ELF1: variants seen among roughly 807,000 people sequenced by gnomAD.
ELF1 encodes the protein E74 like ETS transcription factor 1.
Under a neutral mutation model 59.9 loss-of-function variants are expected in ELF1, and 24 were observed. That is an observed-to-expected ratio of 0.40 (90% CI 0.29 to 0.56). The LOEUF is 0.56. ELF1 is among the 20% of genes least tolerant of loss of function. ELF1 has a pLI of 0.44. For missense variants in ELF1, 627 were observed against 742.2 expected, an observed-to-expected ratio of 0.84 and a Z score of 1.80; for synonymous variants, 248 against 266.2, an observed-to-expected ratio of 0.93 and a Z score of 0.67.
In ELF1 at chr13:40,963,312, T is replaced by C. The variant is rs118180915; in HGVS notation, c.73-4296A>G. 2.6e-3 allele frequency among the ~76,000 whole-genome samples: 397 copies of C among 152,324 alleles called. 6 individuals are homozygous for C. The East Asian group carries it at 0.05, about 19-fold the overall frequency. ...AACCAGAATAATTAAGGAGCTGTGTTTGAGGTGGAGGTATGAGTTTCACTA... is the reference window on the plus strand; with the variant it reads ...AACCAGAATAATTAAGGAGCTGTGTCTGAGGTGGAGGTATGAGTTTCACTA... On this transcript the variant is annotated intron_variant, in intron 2 of 8. Coordinates refer to ENST00000239882, the MANE Select transcript of ELF1 (RefSeq NM_172373.4).
At chr13:41,038,531 T>C (rs771316320) in intron 1 of ELF1, among the ~76,000 whole-genome samples, 1 of 151,974 alleles carries the variant, frequency 6.6e-6, no homozygotes, top group East Asian at 1.9e-4. Context: ...AAGGTATCTA[T>C]AAAAACATTA....
chr13:41,042,974 T>A (rs1876684129), intron 1 of ELF1, among the ~76,000 whole-genome samples: 1 of 152,220 alleles, frequency 6.6e-6, no homozygotes, highest in African/African-American at 2.4e-5. Flanking sequence ...TGTTCTTTCC[T>A]GACTTTTTAA....
intron 1 of ELF1, among the ~76,000 whole-genome samples, chr13:40,986,526 T>C (rs1481474389): frequency 6.6e-6 from 1 of 152,238 alleles, no homozygotes; most frequent in South Asian, 2.1e-4. Flanking sequence ...TCTATTACCA[T>C]AGCTATTTGC....
chr13:41,023,060 T>C (rs957279635), upstream of ELF1, among the ~76,000 whole-genome samples: 9 of 152,240 alleles, frequency 5.9e-5, no homozygotes, highest in African/African-American at 1.9e-4. Context: ...ATATACCTTA[T>C]ATAAAGCTTT....
intron 2 of ELF1, among the ~76,000 whole-genome samples, chr13:40,973,296 C>G (rs987199863): frequency 1.1e-4 from 17 of 152,052 alleles, no homozygotes; most frequent in South Asian, 2.1e-4. Context: ...TTTTACCAGT[C>G]AAAATATTAT....
At chr13:40,934,535 G>A (rs1275808029) in intron 8 of ELF1, among the ~76,000 whole-genome samples, 3 of 146,224 alleles carry the variant, frequency 2.1e-5, no homozygotes, top group East Asian at 2.0e-4. Context: ...CCATTCTCCT[G>A]TCAGCCTCCC....
intron 1 of ELF1, among the ~76,000 whole-genome samples, chr13:41,035,841 AAAAAACAAC>A (rs1310016635): frequency 6.7e-6 from 1 of 149,974 alleles, no homozygotes; most frequent in Non-Finnish European, 1.5e-5. Flanking sequence ...CTTGTTAAAA[AAAAAACAAC>A]AACAACAACA....
At chr13:40,961,554 C>T (rs1871821881) in intron 2 of ELF1, among the ~76,000 whole-genome samples, 1 of 151,948 alleles carries the variant, frequency 6.6e-6, no homozygotes, top group South Asian at 2.1e-4. Context: ...CACAGCAAAA[C>T]CCTGTCACTG....
chr13:41,017,599 T>C (rs912164097), intron 1 of ELF1, among the ~76,000 whole-genome samples: 4 of 152,118 alleles, frequency 2.6e-5, no homozygotes, highest in Middle Eastern at 3.4e-3. Flanking sequence ...CCTTCTCCCT[T>C]CTCCTTGAAA....
upstream of ELF1, among the ~76,000 whole-genome samples, chr13:41,023,716 A>T (rs1436164408): frequency 3.9e-5 from 6 of 152,154 alleles, no homozygotes; most frequent in Non-Finnish European, 8.8e-5. Flanking sequence ...CACCCACAAA[A>T]AGCAGGCCTC....
intron 8 of ELF1, 140 bp downstream of exon 8, chr13:40,940,781 G>GA: frequency 1.0e-6 from 1 of 961,600 alleles, no homozygotes; most frequent in Non-Finnish European, 1.5e-6. Context: ...AACTGCTCCT[G>GA]AAAAATCTGG....
intron 1 of ELF1, among the ~76,000 whole-genome samples, chr13:41,003,909 G>A (rs888046655): frequency 2.0e-5 from 3 of 151,968 alleles, no homozygotes; most frequent in Admixed American, 6.6e-5. Flanking sequence ...GGGGTGGGTG[G>A]AGCTGAAGTA....
intron 1 of ELF1, chr13:41,060,806 G>C: frequency 4.9e-6 from 1 of 205,274 alleles, no homozygotes; most frequent in Non-Finnish European, 1.0e-5. Flanking sequence ...TAGACCATAT[G>C]GGAAGTGCTA....
intron 1 of ELF1, among the ~76,000 whole-genome samples, chr13:41,003,620 T>G (rs1203464741): frequency 6.6e-6 from 1 of 152,106 alleles, no homozygotes; most frequent in African/African-American, 2.4e-5. Flanking sequence ...AAAAACTTGG[T>G]GACAACAGAA....
At position 41,017,187 on chromosome 13, in the gene ELF1, C is replaced by A. The variant is rs140963012; in HGVS notation, c.-229+2041G>T. ...AAAAAGAAAACTACATTTTCAAAAT[C>A]ATTGGTTGATCCATTTGGTTGCAAC... is the stretch of plus-strand genomic sequence containing the variant. On this transcript the variant is annotated intron_variant, in intron 1 of 8. Transcript: ENST00000239882. 2.4e-3 allele frequency among the ~76,000 whole-genome samples: 370 copies of A among 151,768 alleles called. 3 individuals are homozygous for A. The highest frequency in any genetic ancestry group is 0.011 in the South Asian group (53 of 4,814).
chr13:41,035,488 C>T (rs1036846020), intron 1 of ELF1, among the ~76,000 whole-genome samples: 4 of 151,900 alleles, frequency 2.6e-5, no homozygotes, highest in African/African-American at 9.7e-5. Context: ...ACACAAAAAG[C>T]CAAGGCCACT....
intron 1 of ELF1, among the ~76,000 whole-genome samples, chr13:41,028,323 C>T (rs1385563186): frequency 6.6e-6 from 1 of 152,132 alleles, no homozygotes; most frequent in East Asian, 1.9e-4. Context: ...TACAGGAGAT[C>T]CCTTGGGGCA....
At chr13:41,061,289 GT>G (rs1469214193) in exon 1 of ELF1, 1 of 331,408 alleles carries the variant, frequency 3.0e-6, no homozygotes, top group East Asian at 6.3e-5. Flanking sequence ...GAGGATGGAG[GT>G]TTTGGGCCCC....
intron 5 of ELF1, among the ~76,000 whole-genome samples, chr13:40,947,850 G>A (rs1029153963): frequency 9.2e-5 from 14 of 152,110 alleles, no homozygotes; most frequent in African/African-American, 3.4e-4. Context: ...ACACATAACA[G>A]AATTATTAAA....
Sources: allele counts gnomAD v4.1 joint callset (sites outside exome capture counted in the v4.1 genomes callset), GRCh38; gene constraint gnomAD v4.1.1; transcripts MANE v1.5; gene names NCBI Gene and HGNC (gene_info 2026-07-23, HGNC 2026-07-21).